Variants in GLMN observed in about 807,000 individuals in gnomAD.
GLMN encodes the protein glomulin.
In GLMN, 75 loss-of-function variants were observed where a neutral mutation model predicts 87.8. The ratio of observed to expected loss-of-function variants is 0.85; its 90% CI spans 0.71 to 1.04. The LOEUF (loss-of-function observed/expected upper bound fraction) is 1.04, where lower values mean the gene tolerates loss of function less well. GLMN is among the 50% of genes least tolerant of loss of function. GLMN has a pLI of 0.00. For missense variants in GLMN, 588 were observed against 658.8 expected, an observed-to-expected ratio of 0.89 and a Z score of 1.18; for synonymous variants, 206 against 221.6, an observed-to-expected ratio of 0.93 and a Z score of 0.63.
chr1:92,339,320 G>T, the GLMN span, among the ~76,000 whole-genome samples: 1 of 71,172 alleles, frequency 1.4e-5, no homozygotes, highest in African/African-American at 5.2e-5. Context: ...CCCCACCCCC[G>T]CCCCCACAAC....
intron 18 of GLMN, among the ~76,000 whole-genome samples, chr1:92,246,849 A>G (rs188290801): frequency 2.6e-5 from 4 of 152,084 alleles, no homozygotes; most frequent in African/African-American, 9.7e-5. Context: ...TGAGCAACAT[A>G]GTGAGACCCT....
intron 16 of GLMN, among the ~76,000 whole-genome samples, chr1:92,260,985 A>G (rs755989678): frequency 5.3e-5 from 8 of 152,164 alleles, no homozygotes; most frequent in Non-Finnish European, 1.2e-4. Context: ...TATCAATCCT[A>G]ATCAACAAGA....
rs1269574888 is a variant in GLMN at position 92,246,544 on chromosome 1, T to C, written c.1771A>G (p.Ile591Val). The change falls in exon 19 of 19, where the codon ATT (isoleucine) becomes GTT (valine). Residue 591 changes from isoleucine (I) to valine (V), a missense_variant. Transcript: ENST00000370360. ...IKTKSTSEEN[I>V]GIK ...AAATGGAACTTTCACTTTATCCCAATATTTTCTTCAGAGGTAGACTTTGTT... is the reference window on the plus strand; with the variant it reads ...AAATGGAACTTTCACTTTATCCCAACATTTTCTTCAGAGGTAGACTTTGTT... 7.3e-7 allele frequency: 1 copy of C among 1,375,608 alleles called. No homozygotes were observed. The highest frequency in any genetic ancestry group is 2.3e-5 in the East Asian group (1 of 43,780). The allele number at this position is 1,375,608 out of a possible 1,614,324, so 85.2% of individuals were successfully genotyped here.
At chr1:92,292,938 G>A (rs1649593539) in intron 3 of GLMN, among the ~76,000 whole-genome samples, 1 of 151,602 alleles carries the variant, frequency 6.6e-6, no homozygotes, top group South Asian at 2.1e-4. Flanking sequence ...TGGGAGGATG[G>A]CTTGAGCCTG....
the GLMN span, chr1:92,345,925 T>C: frequency 6.4e-7 from 1 of 1,569,434 alleles, no homozygotes; most frequent in Non-Finnish European, 8.8e-7. Context: ...GTAAGTACTC[T>C]CTCAGATTTT....
At chr1:92,248,303 A>G (rs1030089965) in intron 16 of GLMN, 2 of 251,828 alleles carry the variant, frequency 7.9e-6, no homozygotes, top group South Asian at 4.8e-5. Context: ...TCTATGAGCC[A>G]TCTCCACAAT....
At chr1:92,314,430 A>G in the GLMN span, among the ~76,000 whole-genome samples, 1 of 151,940 alleles carries the variant, frequency 6.6e-6, no homozygotes, top group Non-Finnish European at 1.5e-5. Context: ...CATCTGTGCA[A>G]TTGAAATGGA....
the GLMN span, among the ~76,000 whole-genome samples, chr1:92,313,379 T>C: frequency 6.6e-6 from 1 of 152,156 alleles, no homozygotes; most frequent in Middle Eastern, 3.2e-3. Flanking sequence ...ATCTTGTACA[T>C]TTGCATCAGA....
the GLMN span, among the ~76,000 whole-genome samples, chr1:92,311,804 G>A: frequency 6.6e-6 from 1 of 152,160 alleles, no homozygotes; most frequent in Non-Finnish European, 1.5e-5. Flanking sequence ...TCTTTTAAAT[G>A]TGCAGTAGCG....
chr1:92,297,554 AAAAC>A (rs753946463), intron 2 of GLMN, 25 bp from the exon 3 acceptor site: 5 of 1,559,004 alleles, frequency 3.2e-6, no homozygotes, highest in Non-Finnish European at 1.8e-6. Flanking sequence ...AAAAACCCAA[AAAAC>A]AAACAAAAAA....
At chr1:92,251,732 T>C (rs1653530831) in intron 16 of GLMN, among the ~76,000 whole-genome samples, 1 of 152,146 alleles carries the variant, frequency 6.6e-6, no homozygotes, top group Admixed American at 6.5e-5. Flanking sequence ...TTGAAAATTT[T>C]TTTCTTTCAT....
chr1:92,269,779 A>T lies in GLMN; in HGVS notation c.924-3T>A, dbSNP rs1474869134. ...TAAACTGCAAAAGGTACAATGGGCT[A>T]AAATAGAAACAAAACAAATATATAT... On this transcript the variant is annotated splice_polypyrimidine_tract_variant and splice_region_variant and intron_variant, in intron 8 of 18. Transcript: ENST00000370360. 1.9e-6 allele frequency: 3 copies of T among 1,583,714 alleles called. No homozygotes were observed. Among genetic ancestry groups the T allele is most frequent in the Non-Finnish European group, 2.6e-6 (3 of 1,152,550 alleles).
chr1:92,324,436 A>C, the GLMN span: 1 of 1,228,776 alleles, frequency 8.1e-7, no homozygotes, highest in East Asian at 2.3e-5. Flanking sequence ...TCACCACAGC[A>C]AATCTTGGAG....
At chr1:92,334,060 C>T in the GLMN span, among the ~76,000 whole-genome samples, 1 of 151,440 alleles carries the variant, frequency 6.6e-6, no homozygotes, top group Non-Finnish European at 1.5e-5. Context: ...TTTTTTTTTC[C>T]CAGAGGTATG....
chr1:92,365,349 T>G, the GLMN span, among the ~76,000 whole-genome samples: 1 of 152,184 alleles, frequency 6.6e-6, no homozygotes, highest in Admixed American at 6.5e-5. Flanking sequence ...TTCACATCAG[T>G]TGTTTTCAAT....
the GLMN span, among the ~76,000 whole-genome samples, chr1:92,353,225 G>A: frequency 6.6e-6 from 1 of 152,068 alleles, no homozygotes; most frequent in Non-Finnish European, 1.5e-5. Context: ...TAGAATTGCT[G>A]GGTCATATGA....
Position 92,291,455 on chromosome 1 carries a change from C to A in GLMN, c.248G>T (p.Arg83Ile). The A allele has an allele frequency of 1.3e-6, 2 of 1,595,684 alleles. No individual in the cohort carries two copies. The highest frequency in any genetic ancestry group is 1.7e-4 in the Middle Eastern group (1 of 6,026). The change falls in exon 4 of 19, where the codon AGA becomes ATA. Residue 83 changes from arginine to isoleucine, a missense_variant. Transcript: ENST00000370360. ...LLCKDKEDSK[R>I]KVYFLIFDLL... is the part of the protein sequence containing the mutation. Reference sequence around the variant, plus strand: ...ATCAAAGATCAAAAAATAAACTTTTCTTTTACTATCCTCTTTATCTTTACA... The same window carrying A: ...ATCAAAGATCAAAAAATAAACTTTTATTTTACTATCCTCTTTATCTTTACA...
chr1:92,302,590 ATTTTTT>A (rs36067595), upstream of GLMN, among the ~76,000 whole-genome samples: 18 of 74,336 alleles, frequency 2.4e-4, no homozygotes, highest in Admixed American at 1.8e-3. Flanking sequence ...TCCGCATTAA[ATTTTTT>A]TTTTTTTTTT....
chr1:92,246,568 T>G lies in GLMN; in HGVS notation c.1747A>C (p.Thr583Pro). 5.1e-6 allele frequency: 8 copies of G among 1,568,346 alleles called. No homozygotes were observed. The highest frequency in any genetic ancestry group is 7.0e-6 in the Non-Finnish European group (8 of 1,138,304). ...ARVEELIEIK[T>P]KSTSEENIGI... ...ATATTTTCTTCAGAGGTAGACTTTG[T>G]TTTTATTTCAATGAGTTCTTCCACT... Residue 583 changes from threonine to proline, a missense_variant, in exon 19 of 19, where the codon ACA becomes CCA. Thr to Pro is a conservative substitution (Grantham distance 38). Coordinates refer to ENST00000370360, the MANE Select transcript of GLMN (RefSeq NM_053274.3).
Sources: allele counts gnomAD v4.1 joint callset (sites outside exome capture counted in the v4.1 genomes callset), GRCh38; gene constraint gnomAD v4.1.1; transcripts MANE v1.5; gene names NCBI Gene and HGNC (gene_info 2026-07-23, HGNC 2026-07-21).